PATJ: variants seen among roughly 807,000 people sequenced by gnomAD.
The protein encoded by PATJ is PATJ crumbs cell polarity complex component, also known as inaD-like protein.
PATJ carries 190 observed loss-of-function variants against 224.9 expected under a neutral mutation model. That is an observed-to-expected ratio of 0.84 (90% confidence interval 0.75 to 0.95). The LOEUF (loss-of-function observed/expected upper bound fraction) is 0.95, where lower values mean the gene tolerates loss of function less well. PATJ is among the 40% of genes least tolerant of loss of function. The pLI is 0.00. For missense variants in PATJ, 2,121 were observed against 2,270.3 expected (o/e 0.93, Z 1.34); for synonymous variants, 769 against 820.3 (o/e 0.94, Z 1.07).
intron 14 of PATJ, among the ~76,000 whole-genome samples, chr1:61,809,939 G>A (rs1022239731): frequency 3.3e-5 from 5 of 150,160 alleles, no homozygotes; most frequent in Admixed American, 6.7e-5. Flanking sequence ...TTCGCCTCCT[G>A]GGTTCAAACG....
At chr1:62,106,914 G>T (rs1663128135) in intron 33 of PATJ, among the ~76,000 whole-genome samples, 1 of 152,138 alleles carries the variant, frequency 6.6e-6, no homozygotes, top group African/African-American at 2.4e-5. Context: ...ACCTGTGTGT[G>T]TGCACTGGGG....
intron 30 of PATJ, among the ~76,000 whole-genome samples, chr1:62,041,700 A>G (rs1021215320): frequency 6.6e-6 from 1 of 152,196 alleles, no homozygotes; most frequent in African/African-American, 2.4e-5. Context: ...CAAGCAGGCT[A>G]GTATGTAAAA....
chr1:61,875,390 A>G, intron 21 of PATJ, 24 bp downstream of exon 21: 1 of 1,577,440 alleles, frequency 6.3e-7, no homozygotes, highest in South Asian at 1.2e-5. Flanking sequence ...GTTTCTCATA[A>G]ACACAAATTA....
chr1:61,940,688 C>T (rs1422524868), intron 27 of PATJ, among the ~76,000 whole-genome samples: 2 of 148,884 alleles, frequency 1.3e-5, no homozygotes, highest in African/African-American at 2.5e-5. Context: ...TGCACTCCAG[C>T]CTGGCAACAG....
chr1:61,803,969 T>G (rs1371850874), intron 12 of PATJ, among the ~76,000 whole-genome samples: 1 of 152,194 alleles, frequency 6.6e-6, no homozygotes, highest in Admixed American at 6.5e-5. Context: ...AACACATGAC[T>G]GTGTTTTCAT....
chr1:61,936,097 G>T (rs981514516), intron 27 of PATJ, among the ~76,000 whole-genome samples: 2 of 151,850 alleles, frequency 1.3e-5, no homozygotes. Context: ...AGTATATTCA[G>T]AATTGTTCAA....
intron 31 of PATJ, among the ~76,000 whole-genome samples, chr1:62,076,351 A>G (rs1437862010): frequency 2.3e-5 from 3 of 132,094 alleles, no homozygotes; most frequent in African/African-American, 7.8e-5. Context: ...TGTTCCTATT[A>G]TGAAACAGGG....
At chr1:62,146,048 G>A (rs1339488986) in intron 41 of PATJ, among the ~76,000 whole-genome samples, 2 of 152,134 alleles carry the variant, frequency 1.3e-5, no homozygotes, top group East Asian at 3.9e-4. Flanking sequence ...ATGGAGCTGG[G>A]ATGTTGGTGT....
chr1:62,071,107 T>TA (rs138836211), intron 31 of PATJ, among the ~76,000 whole-genome samples: 1,974 of 152,106 alleles, frequency 0.013, 45 homozygotes, highest in African/African-American at 0.046. Context: ...TTACAGAAAA[T>TA]ACTGTGAGAT....
intron 25 of PATJ, 49 bp downstream of exon 25, chr1:61,908,531 C>T: frequency 8.9e-7 from 1 of 1,123,900 alleles, no homozygotes. Flanking sequence ...CTCTGTATAC[C>T]TGCAGACCAA....
intron 1 of PATJ, among the ~76,000 whole-genome samples, chr1:61,744,624 C>G (rs1276652723): frequency 2.0e-5 from 3 of 152,162 alleles, no homozygotes; most frequent in Non-Finnish European, 4.4e-5. Context: ...AAAACACAAA[C>G]TTTTTCCTCT....
chr1:61,943,515 G>C (rs574601647), intron 27 of PATJ, among the ~76,000 whole-genome samples: 1 of 152,148 alleles, frequency 6.6e-6, no homozygotes, highest in Non-Finnish European at 1.5e-5. Context: ...ATCGAACTGC[G>C]AGGTGGCAGT....
chr1:61,891,624 C>A (rs1488930586), intron 22 of PATJ, among the ~76,000 whole-genome samples: 1 of 152,168 alleles, frequency 6.6e-6, no homozygotes, highest in African/African-American at 2.4e-5. Flanking sequence ...AAATACTACA[C>A]TAATGCCTTT....
At chr1:61,776,251 C>A (rs1338019989) in intron 7 of PATJ, among the ~76,000 whole-genome samples, 1 of 152,196 alleles carries the variant, frequency 6.6e-6, no homozygotes, top group African/African-American at 2.4e-5. Flanking sequence ...CTGGAGGGCT[C>A]TGAGAGCCTT....
At chr1:62,015,785 C>T (rs1426979816) in intron 28 of PATJ, among the ~76,000 whole-genome samples, 2 of 152,110 alleles carry the variant, frequency 1.3e-5, no homozygotes, top group Non-Finnish European at 2.9e-5. Flanking sequence ...GGCGCCATCT[C>T]AGCTCCCAAG....
At chr1:61,754,027 A>G (rs1417748270) in intron 1 of PATJ, among the ~76,000 whole-genome samples, 1 of 152,224 alleles carries the variant, frequency 6.6e-6, no homozygotes, top group Non-Finnish European at 1.5e-5. Flanking sequence ...TGAACCAGAT[A>G]TGAAAAATTC....
rs1649007557 is a variant in PATJ at position 61,788,227 on chromosome 1, G to A, written c.1068+255G>A. ...ATTGAAGAATAATAATACTTGCCTT[G>A]TCTATTTCATTGGGCTGGTGAGGAG... is the stretch of plus-strand genomic sequence containing the variant. On this transcript the variant is annotated intron_variant, in intron 8 of 43. Coordinates refer to ENST00000642238, the MANE Select transcript of PATJ (RefSeq NM_001350145.3). Among the ~76,000 whole-genome samples the A allele has an allele frequency of 2.0e-5, 3 of 152,102 alleles. No homozygotes were observed. The South Asian group carries it at 6.2e-4, about 31-fold the overall frequency.
At chr1:62,124,381 C>A (rs191616448) in intron 39 of PATJ, among the ~76,000 whole-genome samples, 144 of 152,264 alleles carry the variant, frequency 9.5e-4, no homozygotes, top group African/African-American at 3.4e-3. Flanking sequence ...CCAGGCCCGG[C>A]CAAAAGTAGA....
intron 7 of PATJ, among the ~76,000 whole-genome samples, chr1:61,786,948 T>C (rs966293936): frequency 1.3e-5 from 2 of 152,068 alleles, no homozygotes; most frequent in Non-Finnish European, 2.9e-5. Context: ...ATCATGCCAT[T>C]GCACTCCAGC....
Sources: gnomAD v4.1 joint callset for allele counts (sites outside exome capture counted in the v4.1 genomes callset) on GRCh38, gnomAD v4.1.1 for gene constraint, MANE v1.5 for transcripts, NCBI Gene and HGNC (gene_info 2026-07-23, HGNC 2026-07-21) for gene names.